The following SLA variants were observed in gnomAD, a reference collection of about 807,000 sequenced individuals.
SLA encodes Src like adaptor.
SLA carries 16 observed loss-of-function variants against 30.3 expected under a neutral mutation model. That is an observed-to-expected ratio of 0.53 (90% CI 0.36 to 0.80). SLA has a LOEUF of 0.80. SLA is among the 30% of genes least tolerant of loss of function. The pLI, the probability that SLA is intolerant of heterozygous loss-of-function variation, is 0.01. For synonymous variants in SLA, 143 were observed against 137.8 expected (o/e 1.04, Z -0.26); for missense variants, 310 against 345.2 (o/e 0.90, Z 0.81).
rs188295333 is a variant in SLA at position 133,037,148 on chromosome 8, C to G, written c.*1376G>C. ...GACAGACAGGGAGAGATACTGCAAG[C>G]ATGTTCCCCTCCTTCCCCAGGATCC... On this transcript the variant is annotated 3_prime_UTR_variant, in exon 9 of 9. Transcript: ENST00000338087. The G allele has an allele frequency of 1.2e-4, 19 of 152,332 alleles. No individual in the cohort carries two copies. The East Asian group carries it at 3.3e-3, about 26-fold the overall frequency. The allele number at this position is 152,332 out of a possible 1,614,324, so 9.4% of individuals were successfully genotyped here.
intron 7 of SLA, among the ~76,000 whole-genome samples, chr8:133,044,346 C>T (rs986847361): frequency 6.6e-6 from 1 of 152,182 alleles, no homozygotes; most frequent in African/African-American, 2.4e-5. Context: ...TCAGTGGATG[C>T]TCCCCATCTT....
At chr8:133,052,203 G>T (rs1840535693) in intron 3 of SLA, among the ~76,000 whole-genome samples, 1 of 152,232 alleles carries the variant, frequency 6.6e-6, no homozygotes, top group Non-Finnish European at 1.5e-5. Context: ...TCTAAAGAGA[G>T]ATTAAATACT....
chr8:133,065,377 C>G (rs1395050720), intron 2 of SLA, among the ~76,000 whole-genome samples: 1 of 152,248 alleles, frequency 6.6e-6, no homozygotes, highest in Non-Finnish European at 1.5e-5. Flanking sequence ...AACCTGTGCT[C>G]TAACTCGCCA....
intron 2 of SLA, among the ~76,000 whole-genome samples, chr8:133,063,062 C>T (rs1842603705): frequency 6.6e-6 from 1 of 152,232 alleles, no homozygotes; most frequent in Non-Finnish European, 1.5e-5. Context: ...GGAAAGTTCT[C>T]AACATGCAGA....
chr8:133,049,411 T>G (rs1840018126), intron 5 of SLA: 2 of 292,670 alleles, frequency 6.8e-6, no homozygotes, highest in South Asian at 3.2e-5. Context: ...CATTACATCT[T>G]ATTCTCCTAA....
At chr8:133,098,677 TG>T (rs1281591770) in intron 1 of SLA, among the ~76,000 whole-genome samples, 2 of 152,208 alleles carry the variant, frequency 1.3e-5, no homozygotes, top group Non-Finnish European at 2.9e-5. Context: ...AAAGGGCTGA[TG>T]GGGCTAGGGA....
At chr8:133,092,835 G>A (rs928472328) in intron 1 of SLA, among the ~76,000 whole-genome samples, 5 of 152,078 alleles carry the variant, frequency 3.3e-5, no homozygotes, top group African/African-American at 1.2e-4. Flanking sequence ...AATTTTCCAC[G>A]GTGAAAAAGG....
At chr8:133,046,054 G>A (rs1839323471) in intron 6 of SLA, among the ~76,000 whole-genome samples, 2 of 152,198 alleles carry the variant, frequency 1.3e-5, no homozygotes, top group Admixed American at 1.3e-4. Flanking sequence ...AGCCTCGTTA[G>A]AGCAATGACC....
chr8:133,047,243 A>C (rs1232749962), intron 6 of SLA: 2 of 152,438 alleles, frequency 1.3e-5, no homozygotes, highest in African/African-American at 2.4e-5. Context: ...CATATGATGC[A>C]AGGAAATTGT....
At chr8:133,058,890 A>C (rs1055153830) in intron 3 of SLA, among the ~76,000 whole-genome samples, 2 of 152,088 alleles carry the variant, frequency 1.3e-5, no homozygotes, top group African/African-American at 2.4e-5. Context: ...AAATAAGAGC[A>C]CTAGGATTGT....
intron 1 of SLA, among the ~76,000 whole-genome samples, chr8:133,088,985 C>G (rs994581005): frequency 6.6e-6 from 1 of 152,242 alleles, no homozygotes; most frequent in African/African-American, 2.4e-5. Context: ...AGCTCTCTTC[C>G]TAAGCTGTCC....
At chr8:133,068,969 G>A (rs1274248191) in intron 2 of SLA, among the ~76,000 whole-genome samples, 2 of 152,366 alleles carry the variant, frequency 1.3e-5, no homozygotes, top group East Asian at 3.9e-4. Flanking sequence ...GATCATATAA[G>A]CAGGCTGGCC....
intron 1 of SLA, among the ~76,000 whole-genome samples, chr8:133,085,693 A>G (rs1846421442): frequency 6.6e-6 from 1 of 152,244 alleles, no homozygotes; most frequent in Non-Finnish European, 1.5e-5. Context: ...TGCCTATAAT[A>G]ATAACAATTT....
intron 1 of SLA, among the ~76,000 whole-genome samples, chr8:133,088,256 G>GCTCCTCCTCCTC (rs5895174): frequency 3.3e-5 from 5 of 151,358 alleles, no homozygotes; most frequent in Non-Finnish European, 7.4e-5. Flanking sequence ...CTCCCCTCCT[G>GCTCCTCCTCCTC]CTCCTCCTCC....
At chr8:133,047,733 G>C in intron 6 of SLA, 97 bp downstream of exon 6, 4 of 780,362 alleles carry the variant, frequency 5.1e-6, no homozygotes, top group Non-Finnish European at 9.3e-6. Flanking sequence ...TTGCATGGAC[G>C]TAGGAGGAAG....
At chr8:133,098,364 A>G (rs2702999) in intron 1 of SLA, among the ~76,000 whole-genome samples, 33,954 of 152,252 alleles carry the variant, frequency 0.22, 4,298 homozygotes, top group South Asian at 0.3. Flanking sequence ...AGCAAGAGAA[A>G]GAAATGGAAG....
Position 133,037,769 on chromosome 8 carries a change from T to C in SLA, c.*755A>G, listed in dbSNP as rs578170155. On this transcript the variant is annotated 3_prime_UTR_variant, in exon 9 of 9. Transcript: ENST00000338087. ...CATCCCAGAGAAGCTCTGTCTGCGC[T>C]GCAAAGCCATGGCTGCAGACATCAG... 1.0e-3 allele frequency: 154 copies of C among 152,298 alleles called. 2 individuals carry two copies. The highest frequency in any genetic ancestry group is 3.5e-3 in the African/African-American group (147 of 41,556). The allele number at this position is 152,298 out of a possible 1,614,324, so 9.4% of individuals were successfully genotyped here. A position where few individuals can be genotyped will look rare whatever the true frequency, so the allele number is the denominator to read the frequency against.
chr8:133,061,763 G>A (rs1429198738), intron 2 of SLA, among the ~76,000 whole-genome samples: 1 of 152,126 alleles, frequency 6.6e-6, no homozygotes, highest in Non-Finnish European at 1.5e-5. Context: ...CTCCCACCCT[G>A]GCCTTGAGTC....
intron 1 of SLA, among the ~76,000 whole-genome samples, chr8:133,100,009 T>A (rs749770559): frequency 1.2e-4 from 18 of 152,310 alleles, no homozygotes; most frequent in Middle Eastern, 6.8e-3. Flanking sequence ...TCCAGTGGCC[T>A]CCTCTCATGC....
Sources: gnomAD v4.1 joint callset for allele counts (sites outside exome capture counted in the v4.1 genomes callset) on GRCh38, gnomAD v4.1.1 for gene constraint, MANE v1.5 for transcripts, NCBI Gene and HGNC (gene_info 2026-07-23, HGNC 2026-07-21) for gene names.